Variants in ZNF148 observed in about 807,000 individuals in gnomAD.
The protein encoded by ZNF148 is zinc finger protein 148, also known as Beta-Enolase Repressor Factor-1.
In ZNF148, 7 loss-of-function variants were observed where a neutral mutation model predicts 67.7. The ratio of observed to expected loss-of-function variants is 0.10; its 90% CI spans 0.06 to 0.19. ZNF148 has a LOEUF of 0.19. Ranked by LOEUF, ZNF148 falls within the 10% of genes least tolerant of loss-of-function variation. The probability of loss-of-function intolerance (pLI) is 1.00; values close to 1 mark genes in which losing one functional copy is unlikely to be tolerated. For synonymous variants in ZNF148, 333 were observed against 330.7 expected (o/e 1.01, Z -0.08); for missense variants, 583 against 947.1 (o/e 0.62, Z 5.05).
At chr3:125,307,027 A>G (rs1939913861) in intron 4 of ZNF148, among the ~76,000 whole-genome samples, 2 of 149,644 alleles carry the variant, frequency 1.3e-5, no homozygotes, top group South Asian at 4.3e-4. Context: ...AATGAGGCCA[A>G]TATACCTAAA....
intron 6 of ZNF148, 125 bp from the exon 7 acceptor site, chr3:125,277,934 T>C (rs759319561): frequency 9.6e-6 from 6 of 626,024 alleles, no homozygotes; most frequent in Non-Finnish European, 1.5e-5. Flanking sequence ...GCCATACAAA[T>C]TTTTAATGTT....
rs1440929679 is a variant in ZNF148, at chr3:125,269,895, G to A, written c.667+7831C>T. On this transcript the variant is annotated intron_variant, in intron 7 of 8. Coordinates refer to ENST00000360647, the MANE Select transcript of ZNF148 (RefSeq NM_021964.3). ...CACATGTTCCCACTTATAAGTGGGCGTTAAATCTTGGGTACACACAGACGT... is the reference window on the plus strand; with the variant it reads ...CACATGTTCCCACTTATAAGTGGGCATTAAATCTTGGGTACACACAGACGT... Among the ~76,000 whole-genome samples the A allele has an allele frequency of 3.3e-5, 5 of 151,450 alleles. No individual in the cohort carries two copies. The East Asian group carries it at 5.8e-4, about 18-fold the overall frequency.
At chr3:125,341,684 A>G (rs1173369589) in intron 1 of ZNF148, among the ~76,000 whole-genome samples, 1 of 152,210 alleles carries the variant, frequency 6.6e-6, no homozygotes, top group Non-Finnish European at 1.5e-5. Flanking sequence ...ATAAATTTTT[A>G]AGGTGGGCTC....
chr3:125,274,094 A>AT (rs1490817666), intron 7 of ZNF148, among the ~76,000 whole-genome samples: 1 of 152,196 alleles, frequency 6.6e-6, no homozygotes, highest in African/African-American at 2.4e-5. Context: ...CATTTATTCT[A>AT]TATATGCATT....
In ZNF148 at chr3:125,226,225, T is replaced by C. The variant is rs1935625610; in HGVS notation, c.*6116A>G. 6.6e-6 allele frequency: 1 copy of C among 152,642 alleles called. No individual in the cohort carries two copies. The highest frequency in any genetic ancestry group is 1.5e-5 in the Non-Finnish European group (1 of 68,032). The allele number at this position is 152,642 out of a possible 1,614,324, so 9.5% of individuals were successfully genotyped here. A position where few individuals can be genotyped will look rare whatever the true frequency, so the allele number is the denominator to read the frequency against. On this transcript the variant is annotated 3_prime_UTR_variant, in exon 9 of 9. Coordinates refer to ENST00000360647, the MANE Select transcript of ZNF148 (RefSeq NM_021964.3). The stretch of plus-strand genomic sequence containing the variant: ...GCTATAATAAAGGCCCTGATAATTG[T>C]TACCCAATTTGTGTAACTGTTAATT...
intron 7 of ZNF148, among the ~76,000 whole-genome samples, chr3:125,244,756 C>A (rs938984675): frequency 1.3e-5 from 2 of 152,144 alleles, no homozygotes; most frequent in Non-Finnish European, 2.9e-5. Context: ...CCTTGCCCTC[C>A]CAAAGTGCTG....
chr3:125,365,995 T>C (rs1942691024), intron 1 of ZNF148, among the ~76,000 whole-genome samples: 1 of 152,188 alleles, frequency 6.6e-6, no homozygotes, highest in Admixed American at 6.5e-5. Context: ...CTAACTGGTC[T>C]TTTCACATAC....
chr3:125,301,525 T>G (rs1465503482), intron 4 of ZNF148, among the ~76,000 whole-genome samples: 1 of 152,152 alleles, frequency 6.6e-6, no homozygotes, highest in Non-Finnish European at 1.5e-5. Flanking sequence ...TTAAATAATT[T>G]TAAAACACTA....
intron 1 of ZNF148, among the ~76,000 whole-genome samples, chr3:125,360,063 C>A (rs1942488969): frequency 1.3e-5 from 2 of 152,176 alleles, no homozygotes; most frequent in South Asian, 4.1e-4. Context: ...ATATCCTCGC[C>A]CCTACAAACC....
At chr3:125,255,655 TC>T (rs1937042081) in intron 7 of ZNF148, among the ~76,000 whole-genome samples, 1 of 152,160 alleles carries the variant, frequency 6.6e-6, no homozygotes, top group African/African-American at 2.4e-5. Context: ...ACTCAGTTTT[TC>T]TTCACCTGAA....
chr3:125,348,359 T>C (rs1942022188), intron 1 of ZNF148, among the ~76,000 whole-genome samples: 1 of 151,554 alleles, frequency 6.6e-6, no homozygotes, highest in Non-Finnish European at 1.5e-5. Flanking sequence ...CGCATACCTA[T>C]AGTCCCAGCT....
At position 125,225,749 on chromosome 3, in the gene ZNF148, C is replaced by G. The variant is rs907597370; in HGVS notation, c.*6592G>C. On this transcript the variant is annotated 3_prime_UTR_variant, in exon 9 of 9. Transcript: ENST00000360647. ...TATCATGTAGAATATCTCCCCTCCC[C>G]TCTCCCCACCATTCCTAATCATTCA... 2.0e-5 allele frequency: 3 copies of G among 152,132 alleles called. No homozygotes were observed. Among genetic ancestry groups the G allele is most frequent in the Non-Finnish European group, 2.9e-5 (2 of 68,028 alleles). The allele number at this position is 152,132 out of a possible 1,614,324, so 9.4% of individuals were successfully genotyped here.
At position 125,230,964 on chromosome 3, in the gene ZNF148, C is replaced by T. The variant is rs772328874; in HGVS notation, c.*1377G>A. ...ATACATAAAAGCACTATTTATTGTACCATGCTGTATTATTTTAAGACAGAG... is the reference window on the plus strand; with the variant it reads ...ATACATAAAAGCACTATTTATTGTATCATGCTGTATTATTTTAAGACAGAG... On this transcript the variant is annotated 3_prime_UTR_variant, in exon 9 of 9. Coordinates refer to ENST00000360647, the MANE Select transcript of ZNF148 (RefSeq NM_021964.3). 9 of 152,018 alleles carry T rather than the reference C, an allele frequency of 5.9e-5. No individual in the cohort carries two copies. Among genetic ancestry groups the T allele is most frequent in the Admixed American group, 1.3e-4 (2 of 15,232 alleles). 9.4% of individuals were successfully genotyped at this position (152,018 alleles called of 1,614,324 possible).
At chr3:125,367,822 T>C (rs1942747549) in intron 1 of ZNF148, among the ~76,000 whole-genome samples, 1 of 152,148 alleles carries the variant, frequency 6.6e-6, no homozygotes, top group Non-Finnish European at 1.5e-5. Context: ...TACAGGCTCA[T>C]AAAAGAACAA....
intron 7 of ZNF148, among the ~76,000 whole-genome samples, chr3:125,262,391 T>C (rs910243952): frequency 6.6e-6 from 1 of 152,238 alleles, no homozygotes; most frequent in African/African-American, 2.4e-5. Flanking sequence ...GAAATTGTAG[T>C]TTGAGCTTGG....
chr3:125,322,283 GC>G (rs965259950), intron 3 of ZNF148, among the ~76,000 whole-genome samples: 1 of 151,626 alleles, frequency 6.6e-6, no homozygotes, highest in Non-Finnish European at 1.5e-5. Context: ...GCCTCAGCCT[GC>G]CAGCCTGCTG....
At position 125,232,920 on chromosome 3, in the gene ZNF148, C is replaced by T. The variant is rs1935920142; in HGVS notation, c.1806G>A (p.Leu602=). 1 of 1,613,800 alleles carries T rather than the reference C, an allele frequency of 6.2e-7. No homozygotes were observed. The change falls in exon 9 of 9, where the codon TTG becomes TTA. Residue 602 remains leucine (L), a synonymous_variant. Transcript: ENST00000360647. The surrounding 1 kb of genome is among the most constrained non-coding windows in gnomAD (Gnocchi z 4.2). Reference sequence around the variant, plus strand: ...GCTGCAGAAACTTGGAGTATTCCTGCAACATGTTGGCTTTATCTGATGAGG... The same window carrying T: ...GCTGCAGAAACTTGGAGTATTCCTGTAACATGTTGGCTTTATCTGATGAGG... ...QASSSDKANM[L]QEYSKFLQQA...
intron 8 of ZNF148, 118 bp downstream of exon 8, chr3:125,234,093 T>C: frequency 8.0e-7 from 1 of 1,249,958 alleles, no homozygotes; most frequent in Non-Finnish European, 1.1e-6. Context: ...ATTATAAATC[T>C]AATCTGTAAG....
At chr3:125,234,901 C>T (rs1176729910) in intron 7 of ZNF148, among the ~76,000 whole-genome samples, 1 of 152,122 alleles carries the variant, frequency 6.6e-6, no homozygotes, top group African/African-American at 2.4e-5. Context: ...ATGAATTAAA[C>T]TGAGTATTGT....
Sources: gnomAD v4.1 joint callset for allele counts (sites outside exome capture counted in the v4.1 genomes callset) on GRCh38, gnomAD v4.1.1 for gene constraint, Gnocchi (gnomAD v3.1) non-coding constraint, MANE v1.5 for transcripts, NCBI Gene and HGNC (gene_info 2026-07-23, HGNC 2026-07-21) for gene names.